MRC1: variants seen among roughly 807,000 people sequenced by gnomAD.
MRC1 encodes mannose receptor C-type 1.
Under a neutral mutation model 102.9 loss-of-function variants are expected in MRC1, and 62 were observed. The ratio of observed to expected loss-of-function variants is 0.60; its 90% CI spans 0.49 to 0.74. The LOEUF (loss-of-function observed/expected upper bound fraction) is 0.74, where lower values mean the gene tolerates loss of function less well. Ranked by LOEUF, MRC1 falls within the 30% of genes least tolerant of loss-of-function variation. The probability of loss-of-function intolerance (pLI) is 0.00; values close to 1 mark genes in which losing one functional copy is unlikely to be tolerated. For missense variants in MRC1, 1,237 were observed against 862.8 expected (o/e 1.43, Z -5.43); for synonymous variants, 457 against 298.4 (o/e 1.53, Z -5.48).
chr10:17,868,540 G>A (rs1460226376), intron 12 of MRC1, among the ~76,000 whole-genome samples: 1 of 152,226 alleles, frequency 6.6e-6, no homozygotes, highest in Non-Finnish European at 1.5e-5. Flanking sequence ...TTTGAGATGA[G>A]ATTTGGGTGG....
At chr10:17,876,194 A>T (rs1183594073) in intron 17 of MRC1, among the ~76,000 whole-genome samples, 2 of 152,092 alleles carry the variant, frequency 1.3e-5, no homozygotes, top group East Asian at 3.9e-4. Flanking sequence ...GTCATAACAC[A>T]AGTTATGCCC....
chr10:17,901,582 G>A (rs1366236999), intron 25 of MRC1, among the ~76,000 whole-genome samples: 1 of 152,002 alleles, frequency 6.6e-6, no homozygotes, highest in African/African-American at 2.4e-5. Flanking sequence ...CCAGCTACTC[G>A]GGAGGCTGAG....
intron 22 of MRC1, among the ~76,000 whole-genome samples, chr10:17,889,185 C>G (rs1475819324): frequency 6.6e-6 from 1 of 152,036 alleles, no homozygotes; most frequent in African/African-American, 2.4e-5. Flanking sequence ...TTTCTTATAC[C>G]AATATCTGAG....
At chr10:17,860,307 T>G (rs1411019808) in intron 9 of MRC1, among the ~76,000 whole-genome samples, 1 of 151,836 alleles carries the variant, frequency 6.6e-6, no homozygotes, top group African/African-American at 2.4e-5. Flanking sequence ...AGTCTCACTT[T>G]GTCACTCAGG....
intron 8 of MRC1, among the ~76,000 whole-genome samples, chr10:17,853,588 GTGTGTGTGTGTGTA>G (rs1833021947): frequency 7.3e-6 from 1 of 137,642 alleles, no homozygotes; most frequent in Non-Finnish European, 1.6e-5. Context: ...GTGTGTGTGT[GTGTGTGTGTGTGTA>G]TATATATATA....
intron 16 of MRC1, among the ~76,000 whole-genome samples, chr10:17,874,459 C>A (rs1249381936): frequency 6.6e-6 from 1 of 152,170 alleles, no homozygotes; most frequent in Non-Finnish European, 1.5e-5. Context: ...TCCAAGATAA[C>A]CCTCCTATCT....
intron 26 of MRC1, among the ~76,000 whole-genome samples, chr10:17,902,461 C>T (rs1335218014): frequency 6.6e-6 from 1 of 152,080 alleles, no homozygotes; most frequent in Non-Finnish European, 1.5e-5. Flanking sequence ...TACAAGTGCC[C>T]AGGAACTGTT....
rs1178038313 is a variant in MRC1 at position 17,885,733 on chromosome 10, C to T, written c.3147+298C>T. 2.0e-4 allele frequency among the ~76,000 whole-genome samples: 30 copies of T among 151,946 alleles called. 2 individuals are homozygous for T. Among genetic ancestry groups the T allele is most frequent in the Admixed American group, 2.0e-3 (30 of 15,250 alleles). On this transcript the variant is annotated intron_variant, in intron 22 of 29. Transcript: ENST00000569591. ...CTAGAGTTATCAACTTTCTTTGTAT[C>T]ACCTTCCCCTTATTCCTTGTAGCTG...
At chr10:17,887,229 A>G (rs940295163) in intron 22 of MRC1, among the ~76,000 whole-genome samples, 1 of 152,150 alleles carries the variant, frequency 6.6e-6, no homozygotes, top group Non-Finnish European at 1.5e-5. Flanking sequence ...CTCTACTAAA[A>G]ATACAAAAAA....
intron 22 of MRC1, among the ~76,000 whole-genome samples, chr10:17,891,965 G>T (rs891300953): frequency 5.9e-5 from 9 of 152,156 alleles, no homozygotes; most frequent in South Asian, 2.1e-4. Flanking sequence ...CTTCGAAAGT[G>T]CTTCTCGGTT....
chr10:17,844,518 C>A (rs1261072955), intron 5 of MRC1, among the ~76,000 whole-genome samples: 1 of 152,156 alleles, frequency 6.6e-6, no homozygotes, highest in Admixed American at 6.5e-5. Flanking sequence ...CCGTGCCCTG[C>A]CCTAATAATG....
intron 16 of MRC1, 121 bp from the exon 17 acceptor site, chr10:17,874,969 T>C: frequency 1.3e-6 from 1 of 747,178 alleles, no homozygotes; most frequent in Non-Finnish European, 2.5e-6. Context: ...TTCTGGTCTC[T>C]CAGAGTTGCA....
At position 17,823,611 on chromosome 10, in the gene MRC1, A is replaced by G. The variant is rs371816696; in HGVS notation, c.463+136A>G. On this transcript the variant is annotated intron_variant, in intron 2 of 29. Coordinates refer to ENST00000569591, the MANE Select transcript of MRC1 (RefSeq NM_002438.4). ...ATTGATCAGCATCTTTGTGTTTTCAACTATTCTGTAGGACTATTCTGAGGA... is the reference window on the plus strand; with the variant it reads ...ATTGATCAGCATCTTTGTGTTTTCAGCTATTCTGTAGGACTATTCTGAGGA... 4,908 of 718,558 alleles carry G rather than the reference A, an allele frequency of 6.8e-3. 168 individuals carry two copies. In the African/African-American group the frequency reaches 0.074, roughly 11 times the overall value. 44.5% of individuals were successfully genotyped at this position (718,558 alleles called of 1,614,324 possible). A position where few individuals can be genotyped will look rare whatever the true frequency, so the allele number is the denominator to read the frequency against.
At chr10:17,901,218 A>G (rs1175982131) in intron 25 of MRC1, among the ~76,000 whole-genome samples, 3 of 152,242 alleles carry the variant, frequency 2.0e-5, no homozygotes, top group Non-Finnish European at 4.4e-5. Context: ...GAATACATGT[A>G]GATTCATCAG....
At chr10:17,895,535 A>G (rs1797424374) in intron 23 of MRC1, among the ~76,000 whole-genome samples, 1 of 152,046 alleles carries the variant, frequency 6.6e-6, no homozygotes, top group South Asian at 2.1e-4. Context: ...TTTGTGCCTC[A>G]TTATTTGTCC....
Position 17,823,422 on chromosome 10 carries a change from G to A in MRC1, c.410G>A (p.Ser137Asn), listed in dbSNP as rs201180164. Residue 137 changes from serine (S) to asparagine (N), a missense_variant, in exon 2 of 30, where the codon AGC becomes AAC. By Grantham distance (46) the Ser-to-Asn change is conservative. Transcript: ENST00000569591. The stretch of plus-strand genomic sequence containing the variant: ...CTCTACAAGGGATCGGGTTTATGGA[G>A]CAGGTGGAAGATCTATGGAACCACA... ...IMLYKGSGLW[S>N]RWKIYGTTDN... The A allele has an allele frequency of 4.5e-4, 348 of 780,870 alleles. No individual in the cohort carries two copies. In the African/African-American group the frequency reaches 5.2e-3, roughly 12 times the overall value. 48.4% of individuals were successfully genotyped at this position (780,870 alleles called of 1,614,324 possible).
Position 17,866,647 on chromosome 10 carries a change from T to C in MRC1, c.1869T>C (p.Phe623=), listed in dbSNP as rs1276097975. ...DVLKCDEKAK[F]VCKHWAEGVT... is the part of the protein sequence containing the mutation. ...TGAAATGTGATGAAAAGGCAAAATT[T>C]GTGTGCAAGCACTGGGCAGAAGGAG... Residue 623 remains phenylalanine (F), a synonymous_variant, in exon 12 of 30, where the codon TTT becomes TTC. Coordinates refer to ENST00000569591, the MANE Select transcript of MRC1 (RefSeq NM_002438.4). The C allele has an allele frequency of 1.3e-6, 1 of 780,700 alleles. No individual in the cohort carries two copies. The highest frequency in any genetic ancestry group is 1.7e-5 in the African/African-American group (1 of 59,124). 48.4% of individuals were successfully genotyped at this position (780,700 alleles called of 1,614,324 possible). A position where few individuals can be genotyped will look rare whatever the true frequency, so the allele number is the denominator to read the frequency against.
chr10:17,821,771 T>C (rs1838400058), intron 1 of MRC1, among the ~76,000 whole-genome samples: 1 of 152,194 alleles, frequency 6.6e-6, no homozygotes, highest in African/African-American at 2.4e-5. Context: ...TGAAGGACGC[T>C]ACTAGTGGTA....
chr10:17,821,374 C>T lies in MRC1; in HGVS notation c.62-1700C>T, dbSNP rs558303709. Reference sequence around the variant, plus strand: ...TGGATTTTCAGCTTGTTTTTGCATTCTAAGGCAATAGTGAAATCTACCACC... The same window carrying T: ...TGGATTTTCAGCTTGTTTTTGCATTTTAAGGCAATAGTGAAATCTACCACC... On this transcript the variant is annotated intron_variant, in intron 1 of 29. Coordinates refer to ENST00000569591, the MANE Select transcript of MRC1 (RefSeq NM_002438.4). Among the ~76,000 whole-genome samples the T allele has an allele frequency of 1.9e-4, 29 of 152,234 alleles. No individual in the cohort carries two copies. In the South Asian group the frequency reaches 2.5e-3, roughly 13 times the overall value.
Sources: gnomAD v4.1 joint callset for allele counts (sites outside exome capture counted in the v4.1 genomes callset) on GRCh38, gnomAD v4.1.1 for gene constraint, MANE v1.5 for transcripts, NCBI Gene and HGNC (gene_info 2026-07-23, HGNC 2026-07-21) for gene names.